Variants in DLG2 observed in about 807,000 individuals in gnomAD.
DLG2 encodes discs large MAGUK scaffold protein 2.
Under a neutral mutation model 132.5 loss-of-function variants are expected in DLG2, and 45 were observed. The ratio of observed to expected loss-of-function variants is 0.34; its 90% CI spans 0.27 to 0.44. DLG2 has a LOEUF of 0.44. DLG2 is among the 20% of genes least tolerant of loss of function. The pLI, the probability that DLG2 is intolerant of heterozygous loss-of-function variation, is 1.00. For synonymous variants in DLG2, 424 were observed against 419.6 expected, an observed-to-expected ratio of 1.01 and a Z score of -0.13; for missense variants, 1,045 against 1,196.9, an observed-to-expected ratio of 0.87 and a Z score of 1.87.
chr11:84,647,039 A>G (rs950802520), intron 6 of DLG2, among the ~76,000 whole-genome samples: 13 of 152,128 alleles, frequency 8.5e-5, no homozygotes, highest in African/African-American at 2.9e-4. Flanking sequence ...AAATTTATAA[A>G]TGCTAGAAGC....
At chr11:85,562,364 G>A (rs1293993206) in intron 3 of DLG2, among the ~76,000 whole-genome samples, 1 of 151,754 alleles carries the variant, frequency 6.6e-6, no homozygotes, top group Non-Finnish European at 1.5e-5. Context: ...GAGAAAATGA[G>A]AGAAGGGAAA....
chr11:84,003,681 G>C (rs1029769386), intron 11 of DLG2, among the ~76,000 whole-genome samples: 1 of 151,992 alleles, frequency 6.6e-6, no homozygotes, highest in African/African-American at 2.4e-5. Context: ...ACCTCCACCT[G>C]GTCTCTCCCT....
rs191744069 is a variant in DLG2 at position 84,936,182 on chromosome 11, T to C, written c.357+175479A>G. Among the ~76,000 whole-genome samples the C allele has an allele frequency of 9.1e-4, 138 of 152,320 alleles. 6 individuals carry two copies. The South Asian group carries it at 0.027, about 30-fold the overall frequency. ...GATACTGTATAAGTGATCCTAGCTT[T>C]GGCATTAACTAGATATATCTCTGAA... On this transcript the variant is annotated intron_variant, in intron 6 of 27. Coordinates refer to ENST00000376104, the MANE Select transcript of DLG2 (RefSeq NM_001142699.3).
intron 6 of DLG2, among the ~76,000 whole-genome samples, chr11:84,680,061 C>A (rs986340581): frequency 1.3e-5 from 2 of 152,048 alleles, no homozygotes; most frequent in Non-Finnish European, 2.9e-5. Flanking sequence ...AATGTTAGAG[C>A]CATTTCCAAC....
intron 4 of DLG2, among the ~76,000 whole-genome samples, chr11:85,180,975 A>C (rs1348443616): frequency 1.3e-5 from 2 of 151,830 alleles, no homozygotes; most frequent in South Asian, 2.1e-4. Flanking sequence ...TCTGAATTAT[A>C]ATCAAATAGA....
At chr11:84,747,688 T>G (rs1410869049) in intron 6 of DLG2, among the ~76,000 whole-genome samples, 3 of 152,224 alleles carry the variant, frequency 2.0e-5, no homozygotes, top group African/African-American at 7.2e-5. Context: ...CTATCCCTAG[T>G]GCTCCAAGGT....
intron 6 of DLG2, among the ~76,000 whole-genome samples, chr11:84,584,948 A>G: frequency 6.6e-6 from 1 of 151,792 alleles, no homozygotes; most frequent in Non-Finnish European, 1.5e-5. Flanking sequence ...TCGGCCTCCC[A>G]AAGTGCTGGG....
chr11:84,905,047 T>G (rs969536288), intron 6 of DLG2, among the ~76,000 whole-genome samples: 2 of 152,106 alleles, frequency 1.3e-5, no homozygotes, highest in Admixed American at 6.5e-5. Context: ...AGTTAATTGT[T>G]GTATTTTATT....
intron 8 of DLG2, among the ~76,000 whole-genome samples, chr11:84,195,298 G>C (rs1281188119): frequency 6.6e-6 from 1 of 152,158 alleles, no homozygotes; most frequent in Non-Finnish European, 1.5e-5. Context: ...TGAGTAGCTG[G>C]GACTACAGGC....
At chr11:84,850,450 C>T (rs2082041712) in intron 6 of DLG2, among the ~76,000 whole-genome samples, 1 of 152,094 alleles carries the variant, frequency 6.6e-6, no homozygotes, top group Non-Finnish European at 1.5e-5. Context: ...AACATCACAC[C>T]TAATGCTGAA....
At chr11:84,548,550 C>T (rs1046598554) in intron 6 of DLG2, among the ~76,000 whole-genome samples, 7 of 151,096 alleles carry the variant, frequency 4.6e-5, no homozygotes, top group Non-Finnish European at 2.9e-5. Context: ...TTTGTCCTTG[C>T]GATAGTTTGC....
Position 83,705,554 on chromosome 11 carries a change from A to C in DLG2, c.1826-72229T>G, listed in dbSNP as rs764820271. On this transcript the variant is annotated intron_variant, in intron 18 of 27. Transcript: ENST00000376104. Reference sequence around the variant, plus strand: ...TGAAGATCTGTTATTGTGATAATAAAACATCAAGTAGTTCTTAATAAATAA... The same window carrying C: ...TGAAGATCTGTTATTGTGATAATAACACATCAAGTAGTTCTTAATAAATAA... 3.9e-5 allele frequency among the ~76,000 whole-genome samples: 6 copies of C among 152,308 alleles called. No homozygotes were observed. In the South Asian group the frequency reaches 8.3e-4, roughly 21 times the overall value.
At chr11:83,651,935 G>A (rs1437131698) in intron 18 of DLG2, 1 of 468,688 alleles carries the variant, frequency 2.1e-6, no homozygotes, top group Non-Finnish European at 4.4e-6. Context: ...CGGCACCTTT[G>A]CAGAAAGTAA....
At chr11:84,450,947 T>C (rs2099049889) in intron 7 of DLG2, among the ~76,000 whole-genome samples, 1 of 151,778 alleles carries the variant, frequency 6.6e-6, no homozygotes, top group Non-Finnish European at 1.5e-5. Flanking sequence ...AGAATGTGTA[T>C]AACTGATCTG....
rs1356469113 is a variant in DLG2 at position 84,387,125 on chromosome 11, C to T, written c.520-135834G>A. Among the ~76,000 whole-genome samples, 4 of 151,968 alleles carry T rather than the reference C, an allele frequency of 2.6e-5. 1 individual carries two copies. The highest frequency in any genetic ancestry group is 5.9e-5 in the Non-Finnish European group (4 of 67,980). On this transcript the variant is annotated intron_variant, in intron 7 of 27. Coordinates refer to ENST00000376104, the MANE Select transcript of DLG2 (RefSeq NM_001142699.3). ...AGAAGTGGTGGAAGCAGTTGAGTCCCAGGTCATCCCCCATCACCACACTGG... is the reference window on the plus strand; with the variant it reads ...AGAAGTGGTGGAAGCAGTTGAGTCCTAGGTCATCCCCCATCACCACACTGG...
intron 6 of DLG2, among the ~76,000 whole-genome samples, chr11:84,906,878 T>C (rs2091578001): frequency 1.3e-5 from 2 of 152,150 alleles, no homozygotes; most frequent in Non-Finnish European, 1.5e-5. Flanking sequence ...CTTTAAACTG[T>C]TGTAGATGTT....
intron 4 of DLG2, among the ~76,000 whole-genome samples, chr11:85,282,357 T>G (rs1050193479): frequency 1.3e-5 from 2 of 151,896 alleles, no homozygotes; most frequent in African/African-American, 4.8e-5. Context: ...AAAGTGGAAT[T>G]AGAATGTTCC....
At chr11:83,842,314 C>A (rs941689364) in intron 16 of DLG2, among the ~76,000 whole-genome samples, 1 of 151,924 alleles carries the variant, frequency 6.6e-6, no homozygotes, top group Admixed American at 6.6e-5. Context: ...GGAAAATTAC[C>A]GCCAGGCTTG....
chr11:84,177,971 C>G (rs2096014937), intron 8 of DLG2, among the ~76,000 whole-genome samples: 2 of 150,102 alleles, frequency 1.3e-5, no homozygotes. Flanking sequence ...TGAAAACTGA[C>G]TAAAGACATA....
Sources: gnomAD v4.1 joint callset for allele counts (sites outside exome capture counted in the v4.1 genomes callset) on GRCh38, gnomAD v4.1.1 for gene constraint, MANE v1.5 for transcripts, NCBI Gene and HGNC (gene_info 2026-07-23, HGNC 2026-07-21) for gene names.